EPB41L4A: variants seen among roughly 807,000 people sequenced by gnomAD.
EPB41L4A encodes band 4.1-like protein 4A.
EPB41L4A carries 100 observed loss-of-function variants against 108.6 expected under a neutral mutation model. The observed-to-expected ratio is 0.92, with a 90% CI of 0.78 to 1.09. The LOEUF (loss-of-function observed/expected upper bound fraction) is 1.09, where lower values mean the gene tolerates loss of function less well. Among genes scored for constraint, EPB41L4A ranks in the 50% least tolerant of loss-of-function variants. The pLI is 0.00. For missense variants in EPB41L4A, 1,030 were observed against 842.7 expected (o/e 1.22, Z -2.75); for synonymous variants, 319 against 289.0 (o/e 1.10, Z -1.05).
At chr5:112,294,431 G>A (rs1435838522) in intron 2 of EPB41L4A, among the ~76,000 whole-genome samples, 2 of 152,140 alleles carry the variant, frequency 1.3e-5, no homozygotes, top group Admixed American at 6.5e-5. Context: ...GTGGTGAATA[G>A]GATTCAATGC....
At chr5:112,332,763 G>A (rs1238989916) in intron 1 of EPB41L4A, among the ~76,000 whole-genome samples, 1 of 152,184 alleles carries the variant, frequency 6.6e-6, no homozygotes, top group African/African-American at 2.4e-5. Flanking sequence ...CAGATATGGT[G>A]GAAGTTTGGC....
intron 1 of EPB41L4A, among the ~76,000 whole-genome samples, chr5:112,325,074 T>C (rs1382680683): frequency 6.6e-6 from 1 of 152,174 alleles, no homozygotes; most frequent in Admixed American, 6.5e-5. Context: ...ATCCCCTAAT[T>C]TGGATGACCA....
intron 1 of EPB41L4A, among the ~76,000 whole-genome samples, chr5:112,340,114 C>T (rs1471514771): frequency 1.3e-5 from 2 of 152,088 alleles, no homozygotes; most frequent in East Asian, 1.9e-4. Context: ...CCATCGACCC[C>T]GCCCTTTCAA....
At chr5:112,404,394 G>C (rs1057453145) in intron 1 of EPB41L4A, among the ~76,000 whole-genome samples, 3 of 152,126 alleles carry the variant, frequency 2.0e-5, no homozygotes, top group African/African-American at 7.2e-5. Flanking sequence ...GTAAATGATG[G>C]AGCCACAAGA....
chr5:112,293,091 T>C (rs1286692247), intron 2 of EPB41L4A, among the ~76,000 whole-genome samples: 2 of 152,232 alleles, frequency 1.3e-5, no homozygotes, highest in Admixed American at 1.3e-4. Context: ...AAAATATAAA[T>C]GTATATGGAT....
Position 112,311,292 on chromosome 5 carries a change from T to G in EPB41L4A, c.100-3802A>C, listed in dbSNP as rs184681747. 1.3e-4 allele frequency among the ~76,000 whole-genome samples: 20 copies of G among 152,202 alleles called. No individual in the cohort carries two copies. In the East Asian group the frequency reaches 3.9e-3, roughly 29 times the overall value. The stretch of plus-strand genomic sequence containing the variant: ...AAATCCTGAGTAACAGTATAGAAAA[T>G]TGGATCCAACTGTATACTAAAAATA... On this transcript the variant is annotated intron_variant, in intron 1 of 22. Coordinates refer to ENST00000261486, the MANE Select transcript of EPB41L4A (RefSeq NM_022140.5).
At chr5:112,232,053 A>C (rs1161082469) in intron 12 of EPB41L4A, among the ~76,000 whole-genome samples, 2 of 151,112 alleles carry the variant, frequency 1.3e-5, no homozygotes, top group Admixed American at 1.3e-4. Context: ...GTTCAAAGCT[A>C]CTGTGAGCTA....
At chr5:112,186,792 C>G (rs1405796209) in intron 17 of EPB41L4A, among the ~76,000 whole-genome samples, 1 of 152,128 alleles carries the variant, frequency 6.6e-6, no homozygotes, top group Admixed American at 6.5e-5. Context: ...TCATTTCTTC[C>G]ACTGCTGAAC....
chr5:112,220,919 A>ATTTT (rs2150336289), intron 12 of EPB41L4A, among the ~76,000 whole-genome samples: 2 of 152,324 alleles, frequency 1.3e-5, no homozygotes, highest in East Asian at 3.9e-4. Flanking sequence ...GGTTATTACC[A>ATTTT]TTAGAATATA....
rs997439280 is a variant in EPB41L4A, at chr5:112,198,466, G to C, written c.1377-2758C>G. ...TGAAATTTAGTTATAATGAACCTTC[G>C]AATGAATCTAACTTTTCAACCGATT... On this transcript the variant is annotated intron_variant, in intron 15 of 22. Coordinates refer to ENST00000261486, the MANE Select transcript of EPB41L4A (RefSeq NM_022140.5). Among the ~76,000 whole-genome samples the C allele has an allele frequency of 3.9e-5, 6 of 152,062 alleles. No individual in the cohort carries two copies. In the East Asian group the frequency reaches 5.8e-4, roughly 15 times the overall value.
At chr5:112,248,723 G>C (rs908850594) in intron 9 of EPB41L4A, among the ~76,000 whole-genome samples, 28 of 152,122 alleles carry the variant, frequency 1.8e-4, no homozygotes, top group Non-Finnish European at 2.8e-4. Context: ...CAAGCTTAAA[G>C]AAAGAAATCT....
In EPB41L4A at chr5:112,348,409, T is replaced by G. The variant is rs569367668; in HGVS notation, c.100-40919A>C. ...ATTTCTAAATAATCATTTTCAGATA[T>G]GATAAATAATAACGTAGCCAAAACC... On this transcript the variant is annotated intron_variant, in intron 1 of 22. Coordinates refer to ENST00000261486, the MANE Select transcript of EPB41L4A (RefSeq NM_022140.5). Among the ~76,000 whole-genome samples, 11 of 152,342 alleles carry G rather than the reference T, an allele frequency of 7.2e-5. No homozygotes were observed. The East Asian group carries it at 1.7e-3, about 24-fold the overall frequency.
chr5:112,154,208 G>C (rs1759571206), intron 12 of EPB41L4A, among the ~76,000 whole-genome samples: 1 of 152,166 alleles, frequency 6.6e-6, no homozygotes, highest in African/African-American at 2.4e-5. Context: ...CGGCATTAGA[G>C]AGCATTCACA....
rs554572523 is a variant in EPB41L4A, at chr5:112,201,625, G to A, written c.1376+2750C>T. ...TAGAAAACTATAAAACTCTATCTAC[G>A]AATAATATATGCTAAATTCTAATCA... is the stretch of plus-strand genomic sequence containing the variant. On this transcript the variant is annotated intron_variant, in intron 15 of 22. Transcript: ENST00000261486. Among the ~76,000 whole-genome samples the A allele has an allele frequency of 5.9e-5, 9 of 152,194 alleles. No individual in the cohort carries two copies. The East Asian group carries it at 7.7e-4, about 13-fold the overall frequency.
chr5:112,319,872 G>A (rs1755660024), intron 1 of EPB41L4A, among the ~76,000 whole-genome samples: 3 of 152,104 alleles, frequency 2.0e-5, no homozygotes, highest in Admixed American at 2.0e-4. Flanking sequence ...TGTACTAGAG[G>A]ATCCTTTTGG....
intron 2 of EPB41L4A, among the ~76,000 whole-genome samples, chr5:112,298,143 G>A (rs1754127848): frequency 6.6e-6 from 1 of 152,186 alleles, no homozygotes; most frequent in African/African-American, 2.4e-5. Context: ...CTGTAGGATT[G>A]TTTTTTCTAG....
intron 12 of EPB41L4A, among the ~76,000 whole-genome samples, chr5:112,148,402 G>T (rs940251230): frequency 2.6e-5 from 4 of 151,418 alleles, no homozygotes; most frequent in Non-Finnish European, 5.9e-5. Flanking sequence ...TTTATTATAA[G>T]AATTTTACCA....
chr5:112,321,376 C>T (rs997278327), intron 1 of EPB41L4A, among the ~76,000 whole-genome samples: 1 of 152,192 alleles, frequency 6.6e-6, no homozygotes, highest in African/African-American at 2.4e-5. Context: ...TTCCTTAAGA[C>T]ATTTCATAAT....
intron 12 of EPB41L4A, among the ~76,000 whole-genome samples, chr5:112,222,723 A>G (rs566204789): frequency 6.6e-6 from 1 of 152,324 alleles, no homozygotes; most frequent in East Asian, 1.9e-4. Flanking sequence ...TTGTCCCCAG[A>G]TAACTGACTC....
Sources: gnomAD v4.1 joint callset for allele counts (sites outside exome capture counted in the v4.1 genomes callset) on GRCh38, gnomAD v4.1.1 for gene constraint, MANE v1.5 for transcripts, NCBI Gene and HGNC (gene_info 2026-07-23, HGNC 2026-07-21) for gene names.